CMTM6: variants seen among roughly 807,000 people sequenced by gnomAD.
The protein encoded by CMTM6 is CKLF-like MARVEL transmembrane domain-containing protein 6.
A neutral mutation model predicts 13.6 loss-of-function variants in CMTM6; 5 were observed. The observed-to-expected ratio is 0.37, with a 90% CI of 0.19 to 0.77. CMTM6 has a LOEUF of 0.77. CMTM6 is among the 30% of genes least tolerant of loss of function. The pLI, the probability that CMTM6 is intolerant of heterozygous loss-of-function variation, is 0.50. For synonymous variants in CMTM6, 99 were observed against 84.5 expected (o/e 1.17, Z -0.94); for missense variants, 196 against 218.6 (o/e 0.90, Z 0.65).
chr3:32,502,813 C>G lies in CMTM6; in HGVS notation c.-68G>C. On this transcript the variant is annotated 5_prime_UTR_variant, in exon 1 of 4. Transcript: ENST00000205636. ...TTGACTTCTCGGACTCCAGAAGTCC[C>G]CGGTAGCCGGGAGGCGGCCGTCACT... 1 of 1,356,692 alleles carries G rather than the reference C, an allele frequency of 7.4e-7. No homozygotes were observed. The highest frequency in any genetic ancestry group is 9.5e-7 in the Non-Finnish European group (1 of 1,054,648). The allele number at this position is 1,356,692 out of a possible 1,614,324, so 84.0% of individuals were successfully genotyped here. A position where few individuals can be genotyped will look rare whatever the true frequency, so the allele number is the denominator to read the frequency against.
intron 1 of CMTM6, among the ~76,000 whole-genome samples, chr3:32,498,015 G>C (rs1234916173): frequency 6.6e-6 from 1 of 151,916 alleles, no homozygotes; most frequent in African/African-American, 2.4e-5. Flanking sequence ...AAGTAAAAAG[G>C]CTCAATTATT....
intron 1 of CMTM6, among the ~76,000 whole-genome samples, chr3:32,496,127 G>A (rs1374616391): frequency 6.6e-6 from 1 of 151,764 alleles, no homozygotes; most frequent in Non-Finnish European, 1.5e-5. Flanking sequence ...CTTGAACCCA[G>A]GAGGCAGAGG....
rs1697360250 is a variant in CMTM6, at chr3:32,502,816, G to C, written c.-71C>G. 3 of 1,354,340 alleles carry C rather than the reference G, an allele frequency of 2.2e-6. No individual in the cohort carries two copies. The highest frequency in any genetic ancestry group is 2.8e-6 in the Non-Finnish European group (3 of 1,053,272). 83.9% of individuals were successfully genotyped at this position (1,354,340 alleles called of 1,614,324 possible). A position where few individuals can be genotyped will look rare whatever the true frequency, so the allele number is the denominator to read the frequency against. On this transcript the variant is annotated 5_prime_UTR_variant, in exon 1 of 4. Transcript: ENST00000205636. ...ACTTCTCGGACTCCAGAAGTCCCCG[G>C]TAGCCGGGAGGCGGCCGTCACTTCC...
intron 2 of CMTM6, 66 bp downstream of exon 2, chr3:32,491,644 A>G (rs1004249450): frequency 1.5e-6 from 2 of 1,371,928 alleles, no homozygotes; most frequent in Admixed American, 4.5e-5. Context: ...TACTGCTTTG[A>G]ACAATAAAAT....
At chr3:32,493,095 A>G (rs1335355797) in intron 1 of CMTM6, among the ~76,000 whole-genome samples, 2 of 152,260 alleles carry the variant, frequency 1.3e-5, no homozygotes, top group Non-Finnish European at 2.9e-5. Flanking sequence ...TTTTAAAGAA[A>G]CAATTCATTT....
rs928983322 is a variant in CMTM6 at position 32,482,156 on chromosome 3, A to T, written c.*1804T>A. The T allele has an allele frequency of 1.3e-5, 2 of 152,232 alleles. No individual in the cohort carries two copies. Among genetic ancestry groups the T allele is most frequent in the African/African-American group, 4.8e-5 (2 of 41,450 alleles). 9.4% of individuals were successfully genotyped at this position (152,232 alleles called of 1,614,324 possible). ...CTCTCTTAGATGACATGCCCAATAA[A>T]AACAGCATCCATGATTGGTTTCATT... On this transcript the variant is annotated 3_prime_UTR_variant, in exon 4 of 4. Coordinates refer to ENST00000205636, the MANE Select transcript of CMTM6 (RefSeq NM_017801.3).
intron 1 of CMTM6, among the ~76,000 whole-genome samples, chr3:32,496,550 TATAGGAAG>T (rs1697293456): frequency 6.6e-6 from 1 of 152,188 alleles, no homozygotes; most frequent in Admixed American, 6.5e-5. Context: ...CTGTTCTACG[TATAGGAAG>T]ATACAAATGA....
At chr3:32,495,739 T>C (rs968964000) in intron 1 of CMTM6, among the ~76,000 whole-genome samples, 1 of 152,222 alleles carries the variant, frequency 6.6e-6, no homozygotes, top group East Asian at 1.9e-4. Flanking sequence ...AGGATCCAGC[T>C]TGTCCAGAAG....
intron 3 of CMTM6, among the ~76,000 whole-genome samples, chr3:32,485,632 CTT>C (rs1439381170): frequency 3.9e-5 from 6 of 152,154 alleles, no homozygotes; most frequent in African/African-American, 1.4e-4. Flanking sequence ...CCTATTAAAA[CTT>C]TGATTTTTCT....
At chr3:32,491,650 A>G in intron 2 of CMTM6, 60 bp downstream of exon 2, 1 of 1,404,444 alleles carries the variant, frequency 7.1e-7, no homozygotes, top group Non-Finnish European at 9.6e-7. Flanking sequence ...TTTGAACAAT[A>G]AAATTATGCC....
intron 3 of CMTM6, among the ~76,000 whole-genome samples, chr3:32,487,196 T>A (rs1697212374): frequency 6.6e-6 from 1 of 152,104 alleles, no homozygotes; most frequent in South Asian, 2.1e-4. Context: ...TTCTCAGACA[T>A]ACAAGTTTTA....
At chr3:32,501,343 G>A (rs1199051259) in intron 1 of CMTM6, among the ~76,000 whole-genome samples, 1 of 152,166 alleles carries the variant, frequency 6.6e-6, no homozygotes, top group Non-Finnish European at 1.5e-5. Flanking sequence ...AAGGAAGAAG[G>A]AAGAAGGTAG....
chr3:32,500,777 G>A (rs1291383770), intron 1 of CMTM6, among the ~76,000 whole-genome samples: 1 of 152,016 alleles, frequency 6.6e-6, no homozygotes, highest in African/African-American at 2.4e-5. Flanking sequence ...ACTATAAGAA[G>A]GTAATCAGAA....
chr3:32,488,414 G>T (rs957481956), intron 2 of CMTM6: 1 of 153,214 alleles, frequency 6.5e-6, no homozygotes, highest in Non-Finnish European at 1.4e-5. Flanking sequence ...TGTATCTCGT[G>T]CAAGTGTTTG....
chr3:32,493,433 C>G (rs762510794), intron 1 of CMTM6, among the ~76,000 whole-genome samples: 7 of 152,102 alleles, frequency 4.6e-5, no homozygotes, highest in Middle Eastern at 6.3e-3. Flanking sequence ...TTTTAAAAGG[C>G]AAGGGTGCTA....
chr3:32,488,840 T>C (rs1487419943), intron 2 of CMTM6, among the ~76,000 whole-genome samples: 1 of 152,224 alleles, frequency 6.6e-6, no homozygotes, highest in Admixed American at 6.5e-5. Context: ...AAGGCTCTCA[T>C]ATGCCAACTG....
rs1697161815 is a variant in CMTM6 at position 32,482,311 on chromosome 3, ACCACATTAG to A, written c.*1640_*1648del. On this transcript the variant is annotated 3_prime_UTR_variant, in exon 4 of 4. Coordinates refer to ENST00000205636, the MANE Select transcript of CMTM6 (RefSeq NM_017801.3). ...GGGCCATACTGACCAATTTCTGAGA[ACCACATTAG>A]CCACATTCATGCAATTAAAACCCAT... 6.6e-6 allele frequency: 1 copy of A among 152,136 alleles called. No individual in the cohort carries two copies. The allele number at this position is 152,136 out of a possible 1,614,324, so 9.4% of individuals were successfully genotyped here. A position where few individuals can be genotyped will look rare whatever the true frequency, so the allele number is the denominator to read the frequency against.
chr3:32,501,188 CAAAA>C (rs545695553), intron 1 of CMTM6, among the ~76,000 whole-genome samples: 5 of 58,396 alleles, frequency 8.6e-5, no homozygotes, highest in Non-Finnish European at 1.1e-4. Flanking sequence ...GACTCGGTCT[CAAAA>C]AAAAAAAAAA....
At chr3:32,486,404 G>T (rs1697205720) in intron 3 of CMTM6, among the ~76,000 whole-genome samples, 1 of 107,520 alleles carries the variant, frequency 9.3e-6, no homozygotes, top group Non-Finnish European at 1.9e-5. Context: ...TTTACATGGA[G>T]TAAGACTACT....
Sources: allele counts gnomAD v4.1 joint callset (sites outside exome capture counted in the v4.1 genomes callset), GRCh38; gene constraint gnomAD v4.1.1; transcripts MANE v1.5; gene names NCBI Gene and HGNC (gene_info 2026-07-23, HGNC 2026-07-21).